The following POLN variants were observed in gnomAD, a reference collection of about 807,000 sequenced individuals.
POLN encodes DNA polymerase nu.
A neutral mutation model predicts 113.5 loss-of-function variants in POLN; 108 were observed. That is an observed-to-expected ratio of 0.95 (90% CI 0.81 to 1.12). The LOEUF (loss-of-function observed/expected upper bound fraction) is 1.12. POLN is among the 50% of genes most tolerant of loss of function. POLN has a pLI of 0.00. For missense variants in POLN, 1,097 were observed against 1,077.1 expected (o/e 1.02, Z -0.26); for synonymous variants, 386 against 391.5 (o/e 0.99, Z 0.17).
At chr4:2,165,614 G>T (rs1482508222) in intron 13 of POLN, among the ~76,000 whole-genome samples, 1 of 152,108 alleles carries the variant, frequency 6.6e-6, no homozygotes. Flanking sequence ...CGATAACGAT[G>T]TATCAGTGTG....
chr4:2,234,043 A>C (rs1212769524), intron 2 of POLN, among the ~76,000 whole-genome samples: 1 of 152,232 alleles, frequency 6.6e-6, no homozygotes, highest in Non-Finnish European at 1.5e-5. Flanking sequence ...GATATTGTTC[A>C]AGAGCAAACA....
chr4:2,104,712 T>C (rs1424313808), intron 19 of POLN, among the ~76,000 whole-genome samples: 1 of 152,172 alleles, frequency 6.6e-6, no homozygotes, highest in Non-Finnish European at 1.5e-5. Flanking sequence ...GGCATCTCCC[T>C]CTTATAGTAA....
chr4:2,091,531 G>T (rs565929643), intron 20 of POLN, among the ~76,000 whole-genome samples: 1 of 152,224 alleles, frequency 6.6e-6, no homozygotes, highest in Admixed American at 6.5e-5. Flanking sequence ...CAAGCAGGAT[G>T]GCTTTTGGCT....
intron 2 of POLN, 62 bp downstream of exon 2, chr4:2,241,454 GCCCT>G (rs1342103853): frequency 1.9e-5 from 19 of 975,002 alleles, no homozygotes; most frequent in Non-Finnish European, 2.1e-5. Context: ...TCTCTTCCCT[GCCCT>G]CCGTACGTAA....
chr4:2,168,597 G>A (rs2857788), intron 13 of POLN, among the ~76,000 whole-genome samples: 113,209 of 152,200 alleles, frequency 0.74, 44,633 homozygotes, highest in Non-Finnish European at 0.88. Context: ...TTGCACTGTT[G>A]GTTGTCTGGA....
chr4:2,210,747 C>T (rs1389971223), intron 4 of POLN, among the ~76,000 whole-genome samples: 1 of 148,794 alleles, frequency 6.7e-6, no homozygotes, highest in Non-Finnish European at 1.5e-5. Flanking sequence ...ATGGTGAAAA[C>T]CTGTCTGTAC....
At chr4:2,181,264 C>A (rs1006691499) in intron 7 of POLN, among the ~76,000 whole-genome samples, 1 of 152,132 alleles carries the variant, frequency 6.6e-6, no homozygotes, top group Non-Finnish European at 1.5e-5. Context: ...CCTGCCTCAG[C>A]CTCCCGAGTA....
chr4:2,160,108 T>C (rs761310595), intron 13 of POLN, among the ~76,000 whole-genome samples: 4 of 152,230 alleles, frequency 2.6e-5, no homozygotes, highest in African/African-American at 9.6e-5. Flanking sequence ...ATCCACATTT[T>C]TGCCAATGTA....
intron 13 of POLN, among the ~76,000 whole-genome samples, chr4:2,165,396 GCACAGTGGCTGT>G (rs1469077775): frequency 6.6e-6 from 1 of 152,306 alleles, no homozygotes; most frequent in Admixed American, 6.5e-5. Context: ...ACAGTAAAAA[GCACAGTGGCTGT>G]CAGGGGCTGG....
At chr4:2,119,585 T>C (rs1268204823) in intron 19 of POLN, among the ~76,000 whole-genome samples, 3 of 152,236 alleles carry the variant, frequency 2.0e-5, no homozygotes, top group Non-Finnish European at 4.4e-5. Context: ...TCCATTTATA[T>C]AAGCTTAAAG....
In POLN at chr4:2,230,838, G is replaced by A. The variant is rs537484906; in HGVS notation, c.-12-1595C>T. 8.5e-5 allele frequency: 13 copies of A among 152,200 alleles called. No homozygotes were observed. In the East Asian group the frequency reaches 2.5e-3, roughly 29 times the overall value. 9.4% of individuals were successfully genotyped at this position (152,200 alleles called of 1,614,324 possible). A position where few individuals can be genotyped will look rare whatever the true frequency, so the allele number is the denominator to read the frequency against. On this transcript the variant is annotated intron_variant, in intron 2 of 25. Coordinates refer to ENST00000511885, the MANE Select transcript of POLN (RefSeq NM_181808.4). Reference sequence around the variant, plus strand: ...AGAAGCATCTGATGTAATAACAGATGAGCTACTTCAAATTATTTTAGAGCA... The same window carrying A: ...AGAAGCATCTGATGTAATAACAGATAAGCTACTTCAAATTATTTTAGAGCA...
intron 16 of POLN, among the ~76,000 whole-genome samples, chr4:2,152,809 G>A (rs545908841): frequency 1.3e-5 from 2 of 152,152 alleles, no homozygotes; most frequent in Non-Finnish European, 2.9e-5. Flanking sequence ...AAACAATGAG[G>A]GATGTCAGTA....
chr4:2,103,861 A>G (rs1332095152), intron 19 of POLN, among the ~76,000 whole-genome samples: 1 of 152,238 alleles, frequency 6.6e-6, no homozygotes, highest in Admixed American at 6.5e-5. Flanking sequence ...ATAATTCTAT[A>G]TCCAGTAATA....
intron 2 of POLN, chr4:2,229,909 T>C (rs1344218636): frequency 6.6e-6 from 1 of 152,258 alleles, no homozygotes; most frequent in Non-Finnish European, 1.5e-5. Flanking sequence ...CTTGGGTAAT[T>C]ACGGCAGACA....
At chr4:2,117,639 T>C (rs1048182622) in intron 19 of POLN, among the ~76,000 whole-genome samples, 1 of 152,208 alleles carries the variant, frequency 6.6e-6, no homozygotes, top group African/African-American at 2.4e-5. Context: ...AGGGGAAGAA[T>C]GTGAGACACA....
chr4:2,148,139 G>A (rs1193215099), intron 16 of POLN, among the ~76,000 whole-genome samples: 1 of 152,180 alleles, frequency 6.6e-6, no homozygotes, highest in African/African-American at 2.4e-5. Context: ...GAATATCTAG[G>A]AGGACACAGA....
chr4:2,216,867 C>T (rs1465489897), intron 3 of POLN, among the ~76,000 whole-genome samples: 1 of 152,204 alleles, frequency 6.6e-6, no homozygotes, highest in African/African-American at 2.4e-5. Flanking sequence ...ATAGCTAGGT[C>T]AGCTCTGGTG....
In POLN at chr4:2,164,738, C is replaced by T. The variant is rs192476014; in HGVS notation, c.1555-5527G>A. On this transcript the variant is annotated intron_variant, in intron 13 of 25. Coordinates refer to ENST00000511885, the MANE Select transcript of POLN (RefSeq NM_181808.4). ...GAATTGCTTGAGCCTGGGAGGTGGA[C>T]GTTGCAGGGAGCTGAGATCATGCCA... Among the ~76,000 whole-genome samples the T allele has an allele frequency of 9.8e-5, 12 of 122,494 alleles. No homozygotes were observed. The East Asian group carries it at 1.1e-3, about 11-fold the overall frequency. 80.4% of individuals were successfully genotyped at this position (122,494 alleles called of 152,430 possible).
chr4:2,109,319 A>C lies in POLN; in HGVS notation c.1983-13386T>G, dbSNP rs553758941. Reference sequence around the variant, plus strand: ...GTCTAGGAAAAAATAATGTATGGTAATCAATGTTTAACAATGCAGACAGCC... The same window carrying C: ...GTCTAGGAAAAAATAATGTATGGTACTCAATGTTTAACAATGCAGACAGCC... On this transcript the variant is annotated intron_variant, in intron 19 of 25. Transcript: ENST00000511885. Among the ~76,000 whole-genome samples the C allele has an allele frequency of 5.3e-5, 8 of 152,356 alleles. No individual in the cohort carries two copies. In the East Asian group the frequency reaches 1.5e-3, roughly 29 times the overall value.
Sources: allele counts gnomAD v4.1 joint callset (sites outside exome capture counted in the v4.1 genomes callset), GRCh38; gene constraint gnomAD v4.1.1; transcripts MANE v1.5; gene names NCBI Gene and HGNC (gene_info 2026-07-23, HGNC 2026-07-21).